MAGI1: variants seen among roughly 807,000 people sequenced by gnomAD.
MAGI1 encodes membrane-associated guanylate kinase, WW and PDZ domain-containing protein 1.
In MAGI1, 58 loss-of-function variants were observed where a neutral mutation model predicts 139.9. The ratio of observed to expected loss-of-function variants is 0.41; its 90% CI spans 0.34 to 0.52. The LOEUF is 0.52. MAGI1 is among the 20% of genes least tolerant of loss of function. MAGI1 has a pLI of 0.12. For missense variants in MAGI1, 1,874 were observed against 1,901.6 expected, an observed-to-expected ratio of 0.99 and a Z score of 0.27; for synonymous variants, 812 against 737.9, an observed-to-expected ratio of 1.10 and a Z score of -1.63.
At chr3:65,430,980 G>T in intron 10 of MAGI1, 99 bp from the exon 11 acceptor site, 1 of 1,113,506 alleles carries the variant, frequency 9.0e-7, no homozygotes, top group Non-Finnish European at 1.3e-6. Flanking sequence ...TCACGCTTAT[G>T]CCCTAGAGCC....
At chr3:65,423,242 T>C (rs1005835431) in intron 12 of MAGI1, among the ~76,000 whole-genome samples, 2 of 152,164 alleles carry the variant, frequency 1.3e-5, no homozygotes, top group African/African-American at 4.8e-5. Flanking sequence ...CAATGTACAA[T>C]TCATTCTCTG....
chr3:65,701,488 A>G (rs892043022), intron 1 of MAGI1, among the ~76,000 whole-genome samples: 2 of 152,120 alleles, frequency 1.3e-5, no homozygotes, highest in African/African-American at 4.8e-5. Flanking sequence ...CCTGACCTCA[A>G]GTGATCCGCC....
intron 2 of MAGI1, among the ~76,000 whole-genome samples, chr3:65,523,699 T>C (rs2078261392): frequency 6.6e-6 from 1 of 152,158 alleles, no homozygotes; most frequent in East Asian, 1.9e-4. Flanking sequence ...CATATGTAAG[T>C]TAGAACTCAA....
intron 1 of MAGI1, among the ~76,000 whole-genome samples, chr3:65,974,265 C>T (rs4688619): frequency 0.82 from 123,890 of 150,480 alleles, 51,181 homozygotes; most frequent in Admixed American, 0.9. Context: ...GGCCCTCAAA[C>T]ATTTGTTGAA....
At chr3:65,941,791 G>A (rs114090842) in intron 1 of MAGI1, among the ~76,000 whole-genome samples, 1,532 of 152,260 alleles carry the variant, frequency 0.01, 14 homozygotes, top group Middle Eastern at 0.024. Context: ...TTCTGTTGTT[G>A]TTGTTGCTGC....
At chr3:65,627,304 A>T (rs1203723840) in intron 1 of MAGI1, among the ~76,000 whole-genome samples, 1 of 152,050 alleles carries the variant, frequency 6.6e-6, no homozygotes, top group Non-Finnish European at 1.5e-5. Context: ...GTGCATGACT[A>T]AATCACCTAA....
At chr3:65,868,943 T>C (rs2059821009) in intron 1 of MAGI1, among the ~76,000 whole-genome samples, 1 of 152,144 alleles carries the variant, frequency 6.6e-6, no homozygotes, top group East Asian at 1.9e-4. Context: ...ACTTTTTCCT[T>C]TGCCCATAGC....
intron 1 of MAGI1, among the ~76,000 whole-genome samples, chr3:65,990,450 T>C (rs2066112964): frequency 6.6e-6 from 1 of 152,192 alleles, no homozygotes; most frequent in Non-Finnish European, 1.5e-5. Flanking sequence ...AGACTCTCCT[T>C]GTTTAGCCGA....
chr3:65,834,906 T>C (rs2042724710), intron 1 of MAGI1, among the ~76,000 whole-genome samples: 1 of 152,210 alleles, frequency 6.6e-6, no homozygotes, highest in Admixed American at 6.5e-5. Flanking sequence ...CCATTACTGC[T>C]TTCTTTTGAT....
chr3:65,861,933 C>A lies in MAGI1; in HGVS notation c.313+176063G>T, dbSNP rs182043006. ...AATCACGTCACGCATCATAAGATGG[C>A]AGATCTGGAACAACCGGTAAGACCT... On this transcript the variant is annotated intron_variant, in intron 1 of 22. Coordinates refer to ENST00000402939, the MANE Select transcript of MAGI1 (RefSeq NM_001033057.2). 4.2e-3 allele frequency among the ~76,000 whole-genome samples: 637 copies of A among 152,280 alleles called. 1 individual carries two copies. The highest frequency in any genetic ancestry group is 5.7e-3 in the Non-Finnish European group (385 of 68,016).
intron 1 of MAGI1, among the ~76,000 whole-genome samples, chr3:65,820,561 A>T (rs1005093178): frequency 6.6e-6 from 1 of 152,080 alleles, no homozygotes; most frequent in South Asian, 2.1e-4. Flanking sequence ...ATGGTGTCAC[A>T]ACTCCCTAGA....
chr3:65,408,826 C>T (rs1314479181), intron 12 of MAGI1, among the ~76,000 whole-genome samples: 5 of 152,198 alleles, frequency 3.3e-5, no homozygotes, highest in Non-Finnish European at 7.3e-5. Flanking sequence ...AATTCACTCA[C>T]TCATGTAACC....
intron 1 of MAGI1, among the ~76,000 whole-genome samples, chr3:65,705,645 C>A (rs550883086): frequency 1.4e-4 from 21 of 152,174 alleles, no homozygotes; most frequent in Non-Finnish European, 2.6e-4. Context: ...AAAGCTAAGT[C>A]ATAACAGATC....
intron 2 of MAGI1, among the ~76,000 whole-genome samples, chr3:65,509,942 C>A (rs1023577284): frequency 2.1e-4 from 32 of 152,288 alleles, no homozygotes; most frequent in African/African-American, 7.2e-4. Context: ...TCTCCCAGCA[C>A]GCAGAAGGAG....
intron 1 of MAGI1, among the ~76,000 whole-genome samples, chr3:65,676,415 G>A (rs1307959901): frequency 1.3e-5 from 2 of 152,196 alleles, no homozygotes; most frequent in East Asian, 1.9e-4. Flanking sequence ...AAAGTAATTG[G>A]AGCAGAGGCT....
At chr3:65,984,496 A>G (rs2065766842) in intron 1 of MAGI1, among the ~76,000 whole-genome samples, 1 of 146,194 alleles carries the variant, frequency 6.8e-6, no homozygotes, top group Admixed American at 7.0e-5. Context: ...GTTTAATATA[A>G]TATTTTCAAA....
At chr3:65,814,630 G>A (rs912624988) in intron 1 of MAGI1, among the ~76,000 whole-genome samples, 25 of 152,066 alleles carry the variant, frequency 1.6e-4, no homozygotes, top group African/African-American at 5.1e-4. Flanking sequence ...TTAAGCAACC[G>A]CACCTCAGCA....
At chr3:65,426,833 T>C (rs112892474) in intron 12 of MAGI1, among the ~76,000 whole-genome samples, 2,038 of 152,314 alleles carry the variant, frequency 0.013, 38 homozygotes, top group African/African-American at 0.045. Context: ...ACAAGACATA[T>C]GGTGTATTTT....
At chr3:65,776,312 G>C (rs1261076635) in intron 1 of MAGI1, among the ~76,000 whole-genome samples, 1 of 119,576 alleles carries the variant, frequency 8.4e-6, no homozygotes, top group Non-Finnish European at 1.8e-5. Context: ...ACTCTCAATT[G>C]TTTTTTTAAA....
Sources: gnomAD v4.1 joint callset for allele counts (sites outside exome capture counted in the v4.1 genomes callset) on GRCh38, gnomAD v4.1.1 for gene constraint, MANE v1.5 for transcripts, NCBI Gene and HGNC (gene_info 2026-07-23, HGNC 2026-07-21) for gene names.